Variants in INPP4A observed in about 807,000 individuals in gnomAD.
The protein encoded by INPP4A is inositol polyphosphate-4-phosphatase, type I, 107kD.
In INPP4A, 33 loss-of-function variants were observed where a neutral mutation model predicts 119.8. The ratio of observed to expected loss-of-function variants is 0.28; its 90% CI spans 0.21 to 0.37. INPP4A has a LOEUF of 0.37. Ranked by LOEUF, INPP4A falls within the 10% of genes least tolerant of loss-of-function variation. The pLI is 1.00. For missense variants in INPP4A, 956 were observed against 1,289.9 expected (o/e 0.74, Z 3.97); for synonymous variants, 496 against 500.7 (o/e 0.99, Z 0.12).
chr2:98,450,328 A>T (rs564028509), intron 1 of INPP4A, among the ~76,000 whole-genome samples: 1 of 152,236 alleles, frequency 6.6e-6, no homozygotes, highest in East Asian at 1.9e-4. Context: ...AAGCTTTTCA[A>T]TGAGGGATAA....
At chr2:98,572,297 T>G (rs1697605515) in intron 22 of INPP4A, among the ~76,000 whole-genome samples, 1 of 152,168 alleles carries the variant, frequency 6.6e-6, no homozygotes, top group Non-Finnish European at 1.5e-5. Context: ...GAGGAGCTGT[T>G]AGGATGTGGG....
In INPP4A at chr2:98,554,579, C is replaced by A; in HGVS notation, c.1566+90C>A. Reference sequence around the variant, plus strand: ...GCCAGTCTCTGCCCCTCTGAAGTGCCTCAAGGTTCAACTGCTGTGAACAAG... The same window carrying A: ...GCCAGTCTCTGCCCCTCTGAAGTGCATCAAGGTTCAACTGCTGTGAACAAG... On this transcript the variant is annotated intron_variant, in intron 15 of 24. Transcript: ENST00000409851. The surrounding 1 kb of genome is among the most constrained non-coding windows in gnomAD (Gnocchi z 4.7). 5 of 1,168,048 alleles carry A rather than the reference C, an allele frequency of 4.3e-6. No individual in the cohort carries two copies. Among genetic ancestry groups the A allele is most frequent in the Non-Finnish European group, 6.1e-6 (5 of 815,526 alleles). 72.4% of individuals were successfully genotyped at this position (1,168,048 alleles called of 1,614,324 possible).
chr2:98,584,882 C>G (rs1478223109), intron 24 of INPP4A, among the ~76,000 whole-genome samples: 2 of 152,192 alleles, frequency 1.3e-5, no homozygotes. Context: ...TATGCAAAAT[C>G]TTACTTGCTT....
At chr2:98,522,201 C>T (rs1465226608) in intron 4 of INPP4A, among the ~76,000 whole-genome samples, 3 of 150,856 alleles carry the variant, frequency 2.0e-5, no homozygotes, top group Non-Finnish European at 2.9e-5. Flanking sequence ...GCAGGGGAAT[C>T]GCTTGAAGCC....
intron 1 of INPP4A, among the ~76,000 whole-genome samples, chr2:98,481,822 G>T (rs905100284): frequency 6.6e-6 from 1 of 152,216 alleles, no homozygotes; most frequent in Non-Finnish European, 1.5e-5. Context: ...GGTCTTCAGG[G>T]TGCTCCCTGT....
intron 1 of INPP4A, among the ~76,000 whole-genome samples, chr2:98,461,489 T>G (rs1367090765): frequency 6.6e-6 from 1 of 152,248 alleles, no homozygotes; most frequent in East Asian, 1.9e-4. Context: ...TTGGAGAGAC[T>G]TCTCAAAAAC....
rs60045839 is a variant in INPP4A at position 98,452,455 on chromosome 2, T to C, written c.-166+7370T>C. Among the ~76,000 whole-genome samples, 153 of 152,254 alleles carry C rather than the reference T, an allele frequency of 1.0e-3. 2 individuals carry two copies. In the East Asian group the frequency reaches 0.026, roughly 26 times the overall value. ...ATGCAAGGTCACATTGGAGAACAGC[T>C]CTTTTAGTTTAATCAAGACTCCCCT... On this transcript the variant is annotated intron_variant, in intron 1 of 24. Coordinates refer to ENST00000409851, the MANE Select transcript of INPP4A (RefSeq NM_001134225.2).
chr2:98,445,289 ACC>A (rs1694000859), intron 1 of INPP4A, among the ~76,000 whole-genome samples: 1 of 151,816 alleles, frequency 6.6e-6, no homozygotes, highest in African/African-American at 2.4e-5. Context: ...AGCCCGGCCG[ACC>A]CCCAGCCCCG....
intron 4 of INPP4A, among the ~76,000 whole-genome samples, chr2:98,526,039 C>T (rs932027928): frequency 5.9e-5 from 9 of 152,046 alleles, no homozygotes; most frequent in South Asian, 2.1e-4. Flanking sequence ...TAGTTCAAAA[C>T]GGAAAACAAC....
At chr2:98,454,244 C>T (rs939141632) in intron 1 of INPP4A, among the ~76,000 whole-genome samples, 6 of 152,220 alleles carry the variant, frequency 3.9e-5, no homozygotes, top group East Asian at 3.8e-4. Flanking sequence ...TTTGACTCCC[C>T]GCTGGAATCC....
intron 1 of INPP4A, among the ~76,000 whole-genome samples, chr2:98,475,152 CTT>C (rs1377406160): frequency 6.6e-6 from 1 of 152,030 alleles, no homozygotes; most frequent in African/African-American, 2.4e-5. Flanking sequence ...GAGGGGCACT[CTT>C]AAGTGGAGCG....
At chr2:98,495,641 G>GGTGGAT (rs926959914) in intron 1 of INPP4A, among the ~76,000 whole-genome samples, 20 of 152,218 alleles carry the variant, frequency 1.3e-4, no homozygotes, top group African/African-American at 4.8e-4. Flanking sequence ...TCAGCTTATA[G>GGTGGAT]GTGGATTCAG....
intron 1 of INPP4A, among the ~76,000 whole-genome samples, chr2:98,451,789 A>C (rs1320168680): frequency 2.0e-5 from 3 of 152,172 alleles, no homozygotes; most frequent in Non-Finnish European, 4.4e-5. Flanking sequence ...AGGATGACCT[A>C]AGTGTATAAA....
intron 19 of INPP4A, among the ~76,000 whole-genome samples, 194 bp from the exon 20 acceptor site, chr2:98,565,446 G>A (rs115976345): frequency 2.8e-4 from 43 of 152,338 alleles, no homozygotes; most frequent in Non-Finnish European, 6.3e-4. Context: ...TGATGTGGCT[G>A]TGGGATTTCA....
intron 8 of INPP4A, 49 bp downstream of exon 8, chr2:98,538,023 A>C (rs1339081881): frequency 8.0e-7 from 1 of 1,244,886 alleles, no homozygotes; most frequent in Non-Finnish European, 1.1e-6. Flanking sequence ...CAAGGGAATT[A>C]ATCAGTAAAA....
Position 98,577,168 on chromosome 2 carries a change from G to A in INPP4A, c.2786+25G>A, listed in dbSNP as rs767272554. The A allele has an allele frequency of 3.0e-5, 46 of 1,550,226 alleles. No individual in the cohort carries two copies. In the Admixed American group the frequency reaches 3.7e-4, roughly 12 times the overall value. On this transcript the variant is annotated intron_variant, in intron 24 of 24. Coordinates refer to ENST00000409851, the MANE Select transcript of INPP4A (RefSeq NM_001134225.2). ...GGTGAGTGCCGCAGCCAGGCCGCGC[G>A]CCCCGCCTGCCCCGGCCCGTGTAAA...
chr2:98,495,860 C>T (rs192475052), intron 1 of INPP4A, among the ~76,000 whole-genome samples: 223 of 152,268 alleles, frequency 1.5e-3, no homozygotes, highest in African/African-American at 5.2e-3. Context: ...GGAAAAAGAC[C>T]TGGAAAGGGA....
chr2:98,584,886 C>T (rs552005772), intron 24 of INPP4A, among the ~76,000 whole-genome samples: 1 of 152,314 alleles, frequency 6.6e-6, no homozygotes, highest in African/African-American at 2.4e-5. Flanking sequence ...CAAAATCTTA[C>T]TTGCTTTAGT....
At chr2:98,511,726 G>C (rs1488353024) in intron 1 of INPP4A, among the ~76,000 whole-genome samples, 1 of 152,142 alleles carries the variant, frequency 6.6e-6, no homozygotes, top group Admixed American at 6.5e-5. Flanking sequence ...GACAGGCGAG[G>C]AAACTGATGC....
Sources: allele counts gnomAD v4.1 joint callset (sites outside exome capture counted in the v4.1 genomes callset), GRCh38; gene constraint gnomAD v4.1.1; non-coding constraint Gnocchi (gnomAD v3.1); transcripts MANE v1.5; gene names NCBI Gene and HGNC (gene_info 2026-07-23, HGNC 2026-07-21).